The following RBFOX3 variants were observed in gnomAD, a reference collection of about 807,000 sequenced individuals.
RBFOX3 encodes RNA binding fox-1 homolog 3, also known as RNA binding protein fox-1 homolog 3.
In RBFOX3, 17 loss-of-function variants were observed where a neutral mutation model predicts 48.7. That is an observed-to-expected ratio of 0.35 (90% confidence interval 0.24 to 0.52). The LOEUF (loss-of-function observed/expected upper bound fraction) is 0.52. RBFOX3 is among the 20% of genes least tolerant of loss of function. The pLI is 0.94. For missense variants in RBFOX3, 382 were observed against 497.5 expected (o/e 0.77, Z 2.21); for synonymous variants, 212 against 209.5 (o/e 1.01, Z -0.10).
intron 1 of RBFOX3, among the ~76,000 whole-genome samples, chr17:79,573,336 C>T (rs2092744245): frequency 6.6e-6 from 1 of 152,254 alleles, no homozygotes. Flanking sequence ...GAGCTGCACG[C>T]AGCACTGCAT....
At chr17:79,173,082 C>T (rs904793888) in intron 4 of RBFOX3, among the ~76,000 whole-genome samples, 10 of 152,124 alleles carry the variant, frequency 6.6e-5, no homozygotes, top group South Asian at 2.1e-4. Flanking sequence ...TGGTGGCGCA[C>T]GCCTGTAATC....
At chr17:79,175,140 G>A (rs548488565) in intron 4 of RBFOX3, among the ~76,000 whole-genome samples, 6 of 152,334 alleles carry the variant, frequency 3.9e-5, no homozygotes, top group South Asian at 2.1e-4. Flanking sequence ...CCAGGGCAGC[G>A]GTGACTCATG....
At chr17:79,240,440 C>T (rs1321290968) in intron 3 of RBFOX3, among the ~76,000 whole-genome samples, 3 of 152,194 alleles carry the variant, frequency 2.0e-5, no homozygotes, top group African/African-American at 2.4e-5. Flanking sequence ...GCAAGCGGAA[C>T]GTGGATTTCT....
chr17:79,306,164 C>T (rs1271620309), intron 3 of RBFOX3, among the ~76,000 whole-genome samples: 10 of 152,350 alleles, frequency 6.6e-5, no homozygotes, highest in South Asian at 2.1e-4. Flanking sequence ...AGCCAGATAA[C>T]GCCAGCCTGA....
rs897840094 is a variant in RBFOX3, at chr17:79,284,956, CAGA to C, written c.-74+22765_-74+22767del. Among the ~76,000 whole-genome samples, 68 of 152,294 alleles carry C rather than the reference CAGA, an allele frequency of 4.5e-4. 2 individuals are homozygous for C. Among genetic ancestry groups the C allele is most frequent in the Admixed American group, 1.5e-3 (23 of 15,298 alleles). On this transcript the variant is annotated intron_variant, in intron 3 of 14. Transcript: ENST00000693108. The stretch of plus-strand genomic sequence containing the variant: ...TGTTCGGAGAGAAGAAGGGCAGACA[CAGA>C]AGTAGACCTCGCTTTGTAAATGGTC...
At chr17:79,616,356 C>T in the RBFOX3 span, among the ~76,000 whole-genome samples, 6 of 151,804 alleles carry the variant, frequency 4.0e-5, no homozygotes, top group Non-Finnish European at 2.9e-5. Flanking sequence ...GCCAACATGG[C>T]GAAACCCCCT....
In RBFOX3 at chr17:79,094,469, G is replaced by T; in HGVS notation, c.1059C>A (p.Thr353=). 3 of 1,483,418 alleles carry T rather than the reference G, an allele frequency of 2.0e-6. No individual in the cohort carries two copies. The highest frequency in any genetic ancestry group is 1.8e-6 in the Non-Finnish European group (2 of 1,118,168). 91.9% of individuals were successfully genotyped at this position (1,483,418 alleles called of 1,614,324 possible). A position where few individuals can be genotyped will look rare whatever the true frequency, so the allele number is the denominator to read the frequency against. The change falls in exon 14 of 15, where the codon ACC becomes ACA. Residue 353 remains threonine, a synonymous_variant. Coordinates refer to ENST00000693108, the MANE Select transcript of RBFOX3 (RefSeq NM_001350451.2). The part of the protein sequence containing the change: ...PYHHTIGPAA[T]YSIGTM ...TCCTTACCATGGTTCCAATGCTGTAGGTCGCCGCGGGCCCGATGGTGTGAT... is the reference window on the plus strand; with the variant it reads ...TCCTTACCATGGTTCCAATGCTGTATGTCGCCGCGGGCCCGATGGTGTGAT...
At chr17:79,173,232 A>ATACATACATACATACATACATACATACG (rs1445365855) in intron 4 of RBFOX3, among the ~76,000 whole-genome samples, 2 of 152,266 alleles carry the variant, frequency 1.3e-5, no homozygotes, top group African/African-American at 4.8e-5. Context: ...ACATACATAC[A>ATACATACATACATACATACATACATACG]TACATACGTA....
chr17:79,512,523 A>T (rs1274709605), intron 1 of RBFOX3, among the ~76,000 whole-genome samples: 2 of 72,490 alleles, frequency 2.8e-5, no homozygotes, highest in South Asian at 5.3e-4. Context: ...ACACCCACCC[A>T]GATACATGTT....
intron 2 of RBFOX3, among the ~76,000 whole-genome samples, chr17:79,393,467 G>A (rs757322594): frequency 3.9e-5 from 6 of 152,266 alleles, no homozygotes; most frequent in Non-Finnish European, 7.3e-5. Flanking sequence ...GCCACCTCGC[G>A]GCGCTGGCTG....
chr17:79,452,001 A>G (rs1321937902), intron 2 of RBFOX3, among the ~76,000 whole-genome samples: 4 of 152,202 alleles, frequency 2.6e-5, no homozygotes, highest in African/African-American at 9.6e-5. Context: ...TTTGAGTCCT[A>G]GAGAGCCCAG....
chr17:79,200,346 G>A (rs2056555463), intron 4 of RBFOX3, among the ~76,000 whole-genome samples: 1 of 152,226 alleles, frequency 6.6e-6, no homozygotes, highest in South Asian at 2.1e-4. Context: ...TGGGGCTCCA[G>A]GGAAAGCCAA....
At chr17:79,588,191 G>A (rs1307622849) in intron 1 of RBFOX3, among the ~76,000 whole-genome samples, 2 of 152,158 alleles carry the variant, frequency 1.3e-5, no homozygotes, top group African/African-American at 4.8e-5. Flanking sequence ...TGCTGGAGCT[G>A]GACCATGCAG....
At chr17:79,588,255 C>A (rs908646390) in intron 1 of RBFOX3, among the ~76,000 whole-genome samples, 1 of 152,162 alleles carries the variant, frequency 6.6e-6, no homozygotes, top group Non-Finnish European at 1.5e-5. Flanking sequence ...TTGAGCCTTA[C>A]GTGAGCCAGG....
rs556510864 is a variant in RBFOX3 at position 79,195,073 on chromosome 17, C to T, written c.-34+40693G>A. On this transcript the variant is annotated intron_variant, in intron 4 of 14. Transcript: ENST00000693108. The surrounding 1 kb of genome is among the most constrained non-coding windows in gnomAD (Gnocchi z 5.3). The stretch of plus-strand genomic sequence containing the variant: ...AGCTCACTATCATCCCCATTGCCTG[C>T]GCGGTGCCTGGCCACGGGTAGCCTC... 3.0e-4 allele frequency among the ~76,000 whole-genome samples: 46 copies of T among 152,044 alleles called. No homozygotes were observed. Among genetic ancestry groups the T allele is most frequent in the African/African-American group, 8.9e-4 (37 of 41,490 alleles).
rs1432011747 is a variant in RBFOX3, at chr17:79,421,820, G to A, written c.-175+60634C>T. On this transcript the variant is annotated intron_variant, in intron 2 of 14. Transcript: ENST00000693108. This position sits in a 1 kb window ranked among gnomAD's most constrained non-coding sequence, Gnocchi z 4.5. ...CAAGGGCAGAGAGAGAGAAGGGGAAGGAAGTGATCAGGTGCCGGAAGGCCC... is the reference window on the plus strand; with the variant it reads ...CAAGGGCAGAGAGAGAGAAGGGGAAAGAAGTGATCAGGTGCCGGAAGGCCC... Among the ~76,000 whole-genome samples, 1 of 152,120 alleles carries A rather than the reference G, an allele frequency of 6.6e-6. No individual in the cohort carries two copies. The highest frequency in any genetic ancestry group is 2.4e-5 in the African/African-American group (1 of 41,422).
chr17:79,491,734 G>A (rs1433419171), intron 1 of RBFOX3, among the ~76,000 whole-genome samples: 2 of 152,088 alleles, frequency 1.3e-5, no homozygotes, highest in Non-Finnish European at 2.9e-5. Flanking sequence ...GTCATTTATC[G>A]CATTATTACC....
At chr17:79,208,133 T>C (rs2057780950) in intron 4 of RBFOX3, among the ~76,000 whole-genome samples, 1 of 152,148 alleles carries the variant, frequency 6.6e-6, no homozygotes, top group Non-Finnish European at 1.5e-5. Flanking sequence ...CTCTCCCCTC[T>C]GTTGGTAGAA....
Position 79,090,775 on chromosome 17 carries a change from T to C in RBFOX3, c.*108A>G. The stretch of plus-strand genomic sequence containing the variant: ...ATGCCTCTTGGTTTGGTTGGTTTTT[T>C]TTTTGTTGCTTGGATCTTAACATCT... On this transcript the variant is annotated 3_prime_UTR_variant, in exon 15 of 15. Transcript: ENST00000693108. 5.2e-6 allele frequency: 7 copies of C among 1,357,360 alleles called. No individual in the cohort carries two copies. The highest frequency in any genetic ancestry group is 7.0e-6 in the Non-Finnish European group (7 of 1,005,922). 84.1% of individuals were successfully genotyped at this position (1,357,360 alleles called of 1,614,324 possible). A position where few individuals can be genotyped will look rare whatever the true frequency, so the allele number is the denominator to read the frequency against.
Sources: allele counts gnomAD v4.1 joint callset (sites outside exome capture counted in the v4.1 genomes callset), GRCh38; gene constraint gnomAD v4.1.1; non-coding constraint Gnocchi (gnomAD v3.1); transcripts MANE v1.5; gene names NCBI Gene and HGNC (gene_info 2026-07-23, HGNC 2026-07-21).